Variants in LIPK observed in about 807,000 individuals in gnomAD.
LIPK encodes lipase member K.
In LIPK, 32 loss-of-function variants were observed where a neutral mutation model predicts 48.6. That is an observed-to-expected ratio of 0.66 (90% CI 0.50 to 0.88). The LOEUF is 0.88. Among genes scored for constraint, LIPK ranks in the 40% least tolerant of loss-of-function variants. The pLI, the probability that LIPK is intolerant of heterozygous loss-of-function variation, is 0.00. For synonymous variants in LIPK, 164 were observed against 157.4 expected, an observed-to-expected ratio of 1.04 and a Z score of -0.32; for missense variants, 507 against 478.5, an observed-to-expected ratio of 1.06 and a Z score of -0.56.
At chr10:88,725,242 A>G (rs1282576341) in intron 2 of LIPK, among the ~76,000 whole-genome samples, 3 of 152,226 alleles carry the variant, frequency 2.0e-5, no homozygotes, top group Admixed American at 6.5e-5. Context: ...AAACTGCCAA[A>G]GTTTTTTTTC....
chr10:88,708,034 T>C (rs1590124939), intron 1 of LIPK, among the ~76,000 whole-genome samples: 1 of 152,166 alleles, frequency 6.6e-6, no homozygotes, highest in Non-Finnish European at 1.5e-5. Flanking sequence ...ATGTGGCAGA[T>C]GCAAAAACAT....
At chr10:88,746,650 T>A (rs1338341180) in intron 9 of LIPK, among the ~76,000 whole-genome samples, 1 of 151,998 alleles carries the variant, frequency 6.6e-6, no homozygotes, top group Non-Finnish European at 1.5e-5. Context: ...GTGCTAAACA[T>A]CCACATCAAA....
Position 88,743,965 on chromosome 10 carries a change from C to T in LIPK, c.960+644C>T, listed in dbSNP as rs187010521. ...GGACAGGACTCTTGCCTGTGCAAAGCCCAAAGGGTTTGGTGCAGGAACGGT... is the reference window on the plus strand; with the variant it reads ...GGACAGGACTCTTGCCTGTGCAAAGTCCAAAGGGTTTGGTGCAGGAACGGT... On this transcript the variant is annotated intron_variant, in intron 9 of 9. Coordinates refer to ENST00000404190, the MANE Select transcript of LIPK (RefSeq NM_001080518.2). Among the ~76,000 whole-genome samples, 6 of 152,328 alleles carry T rather than the reference C, an allele frequency of 3.9e-5. No homozygotes were observed. In the East Asian group the frequency reaches 1.2e-3, roughly 29 times the overall value.
chr10:88,714,473 C>A (rs1318364337), intron 1 of LIPK, among the ~76,000 whole-genome samples: 3 of 152,248 alleles, frequency 2.0e-5, no homozygotes, highest in African/African-American at 7.2e-5. Context: ...GTAATAATTT[C>A]TTCCGCATAT....
chr10:88,716,182 T>C (rs997513625), intron 1 of LIPK, among the ~76,000 whole-genome samples: 2 of 152,088 alleles, frequency 1.3e-5, no homozygotes, highest in African/African-American at 4.8e-5. Flanking sequence ...AGGAATTAGA[T>C]ACTAGACTAG....
At chr10:88,729,448 A>G (rs1210665937) in intron 3 of LIPK, among the ~76,000 whole-genome samples, 1 of 152,250 alleles carries the variant, frequency 6.6e-6, no homozygotes, top group Admixed American at 6.5e-5. Flanking sequence ...TGCTGGCTTT[A>G]CAGAGCCAAT....
intron 8 of LIPK, 109 bp from the exon 9 acceptor site, chr10:88,743,141 T>A: frequency 1.6e-6 from 1 of 609,734 alleles, no homozygotes; most frequent in Non-Finnish European, 2.8e-6. Context: ...TTAGCTTATG[T>A]TTCTAAAGAC....
At chr10:88,743,609 A>G (rs1770024293) in intron 9 of LIPK, among the ~76,000 whole-genome samples, 1 of 152,118 alleles carries the variant, frequency 6.6e-6, no homozygotes, top group African/African-American at 2.4e-5. Context: ...GGGGCTCAAG[A>G]TGGTCAACTG....
chr10:88,732,700 A>G, intron 6 of LIPK, 149 bp downstream of exon 6: 1 of 831,644 alleles, frequency 1.2e-6, no homozygotes, highest in South Asian at 1.8e-5. Flanking sequence ...GATGTATGCA[A>G]TCTTATTAGC....
At chr10:88,726,086 C>CT (rs1406306090) in intron 2 of LIPK, among the ~76,000 whole-genome samples, 1 of 151,784 alleles carries the variant, frequency 6.6e-6, no homozygotes, top group African/African-American at 2.4e-5. Flanking sequence ...TGCTTCCTCC[C>CT]CTCTTCTTTC....
chr10:88,742,250 C>T (rs1353104818), intron 8 of LIPK, among the ~76,000 whole-genome samples: 1 of 152,182 alleles, frequency 6.6e-6, no homozygotes, highest in Non-Finnish European at 1.5e-5. Context: ...AGAGCCAAAC[C>T]AAATCATCAG....
At chr10:88,741,157 A>G (rs1004688748) in intron 8 of LIPK, among the ~76,000 whole-genome samples, 4 of 152,136 alleles carry the variant, frequency 2.6e-5, no homozygotes, top group Admixed American at 2.6e-4. Flanking sequence ...TTTTTTAGTA[A>G]AGGCATTGAT....
chr10:88,744,083 G>C (rs1015292175), intron 9 of LIPK, among the ~76,000 whole-genome samples: 38 of 152,310 alleles, frequency 2.5e-4, no homozygotes, highest in African/African-American at 7.7e-4. Flanking sequence ...AACCTGAACA[G>C]AACAGGGCTA....
At chr10:88,748,952 T>C (rs914779014) in intron 9 of LIPK, among the ~76,000 whole-genome samples, 2 of 152,176 alleles carry the variant, frequency 1.3e-5, no homozygotes, top group African/African-American at 4.8e-5. Context: ...TGTTTTAGGA[T>C]ACAAAATCAA....
chr10:88,723,303 A>G (rs1293862608), intron 1 of LIPK, among the ~76,000 whole-genome samples: 1 of 152,236 alleles, frequency 6.6e-6, no homozygotes, highest in African/African-American at 2.4e-5. Context: ...TATGACAGCA[A>G]TAATAATTAT....
chr10:88,739,244 G>A (rs549177602), intron 7 of LIPK, among the ~76,000 whole-genome samples: 53 of 152,238 alleles, frequency 3.5e-4, no homozygotes, highest in South Asian at 2.7e-3. Context: ...TTCAGAAAAC[G>A]AACGTCAACA....
chr10:88,731,778 G>A (rs1312036431), intron 4 of LIPK, among the ~76,000 whole-genome samples: 1 of 152,220 alleles, frequency 6.6e-6, no homozygotes, highest in African/African-American at 2.4e-5. Context: ...GCAGATTACT[G>A]GGTCTCTTCC....
rs775737000 is a variant in LIPK at position 88,731,095 on chromosome 10, C to T, written c.336C>T (p.Asp112=). ...LAFLLADSGY[D]VWLGNSRGNT... ...TCCTTCTGGCAGATAGTGGTTATGA[C>T]GTGTGGTTGGGGAACAGCCGAGGAA... Residue 112 remains aspartate (D), a synonymous_variant, in exon 4 of 10, where the codon GAC becomes GAT. Transcript: ENST00000404190. The T allele has an allele frequency of 7.8e-5, 126 of 1,606,870 alleles. No individual in the cohort carries two copies. The highest frequency in any genetic ancestry group is 1.0e-4 in the Non-Finnish European group (122 of 1,176,860).
intron 9 of LIPK, among the ~76,000 whole-genome samples, chr10:88,748,877 C>A (rs1342431545): frequency 6.6e-6 from 1 of 152,048 alleles, no homozygotes; most frequent in Non-Finnish European, 1.5e-5. Context: ...TGATGTGATT[C>A]TATATCTAAA....
Sources: gnomAD v4.1 joint callset for allele counts (sites outside exome capture counted in the v4.1 genomes callset) on GRCh38, gnomAD v4.1.1 for gene constraint, MANE v1.5 for transcripts, NCBI Gene and HGNC (gene_info 2026-07-23, HGNC 2026-07-21) for gene names.